CGGBP1: variants seen among roughly 807,000 people sequenced by gnomAD.
The protein encoded by CGGBP1 is CGG triplet repeat binding protein 1, also known as CGG triplet repeat-binding protein 1.
In CGGBP1, 4 loss-of-function variants were observed where a neutral mutation model predicts 11.4. The observed-to-expected ratio is 0.35, with a 90% CI of 0.17 to 0.80. The LOEUF (loss-of-function observed/expected upper bound fraction) is 0.80, where lower values mean the gene tolerates loss of function less well. CGGBP1 is among the 30% of genes least tolerant of loss of function. CGGBP1 has a pLI of 0.52. For synonymous variants in CGGBP1, 76 were observed against 74.1 expected, an observed-to-expected ratio of 1.03 and a Z score of -0.13; for missense variants, 135 against 202.1, an observed-to-expected ratio of 0.67 and a Z score of 2.01.
intron 2 of CGGBP1, chr3:88,140,264 A>G: frequency 6.2e-7 from 1 of 1,613,848 alleles, no homozygotes. Context: ...ATGAACATGA[A>G]GCTCAACACT....
intron 2 of CGGBP1, among the ~76,000 whole-genome samples, chr3:88,077,477 C>T (rs1219736998): frequency 1.3e-5 from 2 of 150,118 alleles, no homozygotes; most frequent in African/African-American, 2.4e-5. Context: ...GGACTACAGA[C>T]GCCTGCCACC....
intron 1 of CGGBP1, chr3:88,142,999 CA>C (rs1707201792): frequency 6.6e-6 from 1 of 152,176 alleles, no homozygotes; most frequent in Admixed American, 6.6e-5. Flanking sequence ...AAATCTAAAA[CA>C]GGGATTAAAA....
chr3:88,142,210 A>G (rs1473516412), intron 1 of CGGBP1: 1 of 152,220 alleles, frequency 6.6e-6, no homozygotes, highest in Non-Finnish European at 1.5e-5. Context: ...AGTGCTATCA[A>G]TTAAAGATTG....
intron 2 of CGGBP1, among the ~76,000 whole-genome samples, chr3:88,067,585 T>G (rs1367241239): frequency 6.6e-6 from 1 of 152,162 alleles, no homozygotes; most frequent in East Asian, 1.9e-4. Context: ...TTAAAGAGGT[T>G]TCAGAAACCC....
intron 2 of CGGBP1, among the ~76,000 whole-genome samples, chr3:88,069,583 T>C (rs1458210228): frequency 6.6e-6 from 1 of 152,354 alleles, no homozygotes; most frequent in African/African-American, 2.4e-5. Flanking sequence ...CTTACCACAC[T>C]ATATCCCCAG....
At chr3:88,093,025 C>T (rs1703841070) in intron 2 of CGGBP1, among the ~76,000 whole-genome samples, 1 of 152,172 alleles carries the variant, frequency 6.6e-6, no homozygotes, top group East Asian at 1.9e-4. Context: ...AATTATAATT[C>T]TGTCTAACTT....
intron 2 of CGGBP1, among the ~76,000 whole-genome samples, chr3:88,135,982 A>C (rs1214558447): frequency 6.6e-6 from 1 of 152,118 alleles, no homozygotes; most frequent in Non-Finnish European, 1.5e-5. Flanking sequence ...ATCACTCATT[A>C]GATGTATGAT....
intron 2 of CGGBP1, among the ~76,000 whole-genome samples, chr3:88,118,295 G>A (rs927381880): frequency 1.3e-5 from 2 of 152,102 alleles, no homozygotes; most frequent in African/African-American, 4.8e-5. Flanking sequence ...AGGAAAGGGA[G>A]TTAGGAGGTG....
rs758973183 is a variant in CGGBP1, at chr3:88,055,455, A to T, written c.*18T>A. 1.1e-5 allele frequency: 17 copies of T among 1,506,630 alleles called. No individual in the cohort carries two copies. The highest frequency in any genetic ancestry group is 1.5e-5 in the Non-Finnish European group (17 of 1,126,686). 93.3% of individuals were successfully genotyped at this position (1,506,630 alleles called of 1,614,324 possible). A position where few individuals can be genotyped will look rare whatever the true frequency, so the allele number is the denominator to read the frequency against. ...ATACTCCACATTTATCTTGATCACA[A>T]TGGTGGTAACCTCCTAGTCAACAAT... is the stretch of plus-strand genomic sequence containing the variant. On this transcript the variant is annotated 3_prime_UTR_variant, in exon 4 of 4. Transcript: ENST00000482016. The surrounding 1 kb of genome is among the most constrained non-coding windows in gnomAD (Gnocchi z 4.2).
intron 2 of CGGBP1, among the ~76,000 whole-genome samples, chr3:88,111,888 A>G (rs1166854037): frequency 1.3e-5 from 2 of 151,940 alleles, no homozygotes; most frequent in Non-Finnish European, 2.9e-5. Flanking sequence ...TAATCTTTAT[A>G]ATTTTGGCCT....
intron 2 of CGGBP1, among the ~76,000 whole-genome samples, chr3:88,136,651 A>C (rs1706801763): frequency 6.6e-6 from 1 of 152,120 alleles, no homozygotes; most frequent in South Asian, 2.1e-4. Context: ...GGTAGCAGAG[A>C]AATATGGGGA....
intron 2 of CGGBP1, among the ~76,000 whole-genome samples, chr3:88,136,483 G>T (rs1418955710): frequency 1.3e-5 from 2 of 152,168 alleles, no homozygotes; most frequent in African/African-American, 4.8e-5. Context: ...AGGAGACATA[G>T]ATGGCATATC....
At chr3:88,105,413 C>A (rs1156800676) in intron 2 of CGGBP1, among the ~76,000 whole-genome samples, 1 of 152,142 alleles carries the variant, frequency 6.6e-6, no homozygotes, top group Non-Finnish European at 1.5e-5. Flanking sequence ...GTAGCATAGT[C>A]AGTCAATTTG....
chr3:88,070,563 GTTTTTTT>G (rs67079285), intron 2 of CGGBP1, among the ~76,000 whole-genome samples: 1 of 111,328 alleles, frequency 9.0e-6, no homozygotes, highest in African/African-American at 4.2e-5. Context: ...AACACTGCCT[GTTTTTTT>G]TTTTTTTTTT....
At chr3:88,063,174 A>G (rs1214493866), upstream of CGGBP1, among the ~76,000 whole-genome samples, 1 of 152,168 alleles carries the variant, frequency 6.6e-6, no homozygotes, top group Non-Finnish European at 1.5e-5. Flanking sequence ...TAGAGATGCT[A>G]CTGAACATCC....
chr3:88,094,200 G>C (rs1456792365), intron 2 of CGGBP1, among the ~76,000 whole-genome samples: 1 of 150,260 alleles, frequency 6.7e-6, no homozygotes, highest in Non-Finnish European at 1.5e-5. Flanking sequence ...AGAGTATTTT[G>C]TTTATAGGAT....
chr3:88,148,722 C>A (rs7650915), intron 1 of CGGBP1, among the ~76,000 whole-genome samples: 2 of 152,108 alleles, frequency 1.3e-5, no homozygotes, highest in Non-Finnish European at 2.9e-5. Flanking sequence ...CTAACTATAA[C>A]CTCTGCCTCC....
At position 88,055,846 on chromosome 3, in the gene CGGBP1, G is replaced by A; in HGVS notation, c.131C>T (p.Thr44Ile). Residue 44 changes from threonine to isoleucine, a missense_variant, in exon 4 of 4, where the codon ACT becomes ATT. Thr to Ile is a moderately conservative substitution (Grantham distance 89). Coordinates refer to ENST00000482016, the MANE Select transcript of CGGBP1 (RefSeq NM_001008390.2). The surrounding 1 kb of genome is among the most constrained non-coding windows in gnomAD (Gnocchi z 4.2). Reference sequence around the variant, plus strand: ...ATGATTCAGAACCACATTGCAAGAAGTGCAGAAGAGTTTTCCTCCATCTTC... The same window carrying A: ...ATGATTCAGAACCACATTGCAAGAAATGCAGAAGAGTTTTCCTCCATCTTC... ...LHEDGGKLFC[T>I]SCNVVLNHVR... 1 of 1,614,190 alleles carries A rather than the reference G, an allele frequency of 6.2e-7. No individual in the cohort carries two copies. Among genetic ancestry groups the A allele is most frequent in the Non-Finnish European group, 8.5e-7 (1 of 1,180,036 alleles).
Position 88,093,665 on chromosome 3 carries a change from A to T in CGGBP1, c.-228-35442T>A, listed in dbSNP as rs1322693238. ...CTACACATGTAATGTTAGATCACTGATCCTTTCTGATTATGTTGCTAAATT... is the reference window on the plus strand; with the variant it reads ...CTACACATGTAATGTTAGATCACTGTTCCTTTCTGATTATGTTGCTAAATT... On this transcript the variant is annotated intron_variant, in intron 2 of 3. Coordinates refer to the CGGBP1 transcript ENST00000462901. Among the ~76,000 whole-genome samples the T allele has an allele frequency of 2.0e-5, 3 of 152,206 alleles. No individual in the cohort carries two copies. The East Asian group carries it at 5.8e-4, about 29-fold the overall frequency.
Sources: gnomAD v4.1 joint callset for allele counts (sites outside exome capture counted in the v4.1 genomes callset) on GRCh38, gnomAD v4.1.1 for gene constraint, Gnocchi (gnomAD v3.1) non-coding constraint, MANE v1.5 for transcripts, NCBI Gene and HGNC (gene_info 2026-07-23, HGNC 2026-07-21) for gene names.